SLC15A2: variants seen among roughly 807,000 people sequenced by gnomAD.
The protein encoded by SLC15A2 is kidney H(+)/peptide cotransporter.
SLC15A2 carries 77 observed loss-of-function variants against 95.5 expected under a neutral mutation model. That is an observed-to-expected ratio of 0.81 (90% confidence interval 0.67 to 0.97). The LOEUF (loss-of-function observed/expected upper bound fraction) is 0.97. Ranked by LOEUF, SLC15A2 falls within the 50% of genes least tolerant of loss-of-function variation. The pLI is 0.00. For synonymous variants in SLC15A2, 306 were observed against 306.9 expected (o/e 1.00, Z 0.03); for missense variants, 893 against 874.4 (o/e 1.02, Z -0.27).
chr3:121,934,892 C>T (rs1465513452), intron 19 of SLC15A2, among the ~76,000 whole-genome samples: 1 of 151,878 alleles, frequency 6.6e-6, no homozygotes, highest in Non-Finnish European at 1.5e-5. Context: ...ATGATATTGG[C>T]TGTGGGTTTG....
chr3:121,915,583 GT>G, intron 6 of SLC15A2, 32 bp from the exon 7 acceptor site: 1 of 1,496,712 alleles, frequency 6.7e-7, no homozygotes, highest in Non-Finnish European at 9.3e-7. Flanking sequence ...AAGACTCAGA[GT>G]TACTTTCCTC....
chr3:121,909,405 TCA>T (rs1709717203), intron 3 of SLC15A2, among the ~76,000 whole-genome samples: 1 of 152,210 alleles, frequency 6.6e-6, no homozygotes, highest in Non-Finnish European at 1.5e-5. Flanking sequence ...TGTCTGGATT[TCA>T]GTTTCTTGAT....
At chr3:121,906,338 G>A (rs187675339) in intron 3 of SLC15A2, among the ~76,000 whole-genome samples, 25 of 152,174 alleles carry the variant, frequency 1.6e-4, no homozygotes, top group African/African-American at 5.8e-4. Context: ...TCTTTTAATT[G>A]GGGCATTCAG....
Sources: gnomAD v4.1 joint callset for allele counts (sites outside exome capture counted in the v4.1 genomes callset) on GRCh38, gnomAD v4.1.1 for gene constraint, MANE v1.5 for transcripts, NCBI Gene and HGNC (gene_info 2026-07-23, HGNC 2026-07-21) for gene names.